IMPG2: variants seen among roughly 807,000 people sequenced by gnomAD.
IMPG2 encodes IPM 200.
A neutral mutation model predicts 129.2 loss-of-function variants in IMPG2; 91 were observed. That is an observed-to-expected ratio of 0.70 (90% CI 0.59 to 0.84). The LOEUF (loss-of-function observed/expected upper bound fraction) is 0.84. Among genes scored for constraint, IMPG2 ranks in the 40% least tolerant of loss-of-function variants. The probability of loss-of-function intolerance (pLI) is 0.00; values close to 1 mark genes in which losing one functional copy is unlikely to be tolerated. For synonymous variants in IMPG2, 510 were observed against 517.7 expected (o/e 0.99, Z 0.20); for missense variants, 1,430 against 1,461.7 (o/e 0.98, Z 0.35).
intron 18 of IMPG2, chr3:101,228,006 T>C (rs1576741239): frequency 8.2e-6 from 3 of 365,158 alleles, no homozygotes; most frequent in Admixed American, 3.3e-5. Flanking sequence ...CAGAAGATAC[T>C]TATCTGGCCC....
chr3:101,258,343 T>G (rs2107235602), intron 9 of IMPG2, among the ~76,000 whole-genome samples: 1 of 152,272 alleles, frequency 6.6e-6, no homozygotes, highest in African/African-American at 2.4e-5. Flanking sequence ...GGAGACATAC[T>G]TTTGTTTGAT....
chr3:101,306,470 G>A (rs1314179508), intron 2 of IMPG2, among the ~76,000 whole-genome samples: 1 of 152,114 alleles, frequency 6.6e-6, no homozygotes. Context: ...CATACAGCGG[G>A]CACTGACTGA....
At chr3:101,286,719 C>G (rs546492299) in intron 4 of IMPG2, among the ~76,000 whole-genome samples, 2 of 152,270 alleles carry the variant, frequency 1.3e-5, no homozygotes, top group East Asian at 3.9e-4. Context: ...TTCACATGAG[C>G]AGAATCATTC....
At position 101,243,738 on chromosome 3, in the gene IMPG2, A is replaced by G. The variant is rs780996217; in HGVS notation, c.2593T>C (p.Tyr865His). 6.2e-7 allele frequency: 1 copy of G among 1,613,914 alleles called. No homozygotes were observed. The highest frequency in any genetic ancestry group is 8.5e-7 in the Non-Finnish European group (1 of 1,179,808). ...TGAACACTTGTTGACATTTCCACAT[A>G]ACTACCAACCTTGCCATTTTGCTCT... Reference protein sequence around the residue: ...VQEQNGKVGSYVEMSTSVHST... With the variant: ...VQEQNGKVGSHVEMSTSVHST... The change falls in exon 13 of 19, where the codon TAT becomes CAT. Residue 865 changes from tyrosine to histidine, a missense_variant. Transcript: ENST00000193391.
At chr3:101,277,575 A>G (rs570724072) in intron 4 of IMPG2, among the ~76,000 whole-genome samples, 1 of 152,338 alleles carries the variant, frequency 6.6e-6, no homozygotes, top group South Asian at 2.1e-4. Context: ...CATTGAAATC[A>G]TAAAACCTAT....
At chr3:101,247,141 G>A (rs1377870697) in intron 11 of IMPG2, among the ~76,000 whole-genome samples, 2 of 151,586 alleles carry the variant, frequency 1.3e-5, no homozygotes, top group Non-Finnish European at 2.9e-5. Flanking sequence ...GAGGTAAAAC[G>A]ACCATGGTAT....
In IMPG2 at chr3:101,257,711, T is replaced by A. The variant is rs376973319; in HGVS notation, c.971A>T (p.Asp324Val). ...NGEAISNTTW[D>V]LISLHSNKVE... ...CTTGTTGGAGTGAAGGCTAATGAGGTCCCAGGTGGTATTGCTGATGGCCTC... is the reference window on the plus strand; with the variant it reads ...CTTGTTGGAGTGAAGGCTAATGAGGACCCAGGTGGTATTGCTGATGGCCTC... Residue 324 changes from aspartate to valine, a missense_variant, in exon 10 of 19, where the codon GAC (aspartate) becomes GTC (valine). Transcript: ENST00000193391. 3 of 1,613,160 alleles carry A rather than the reference T, an allele frequency of 1.9e-6. No individual in the cohort carries two copies. Among genetic ancestry groups the A allele is most frequent in the Non-Finnish European group, 2.5e-6 (3 of 1,179,494 alleles).
At chr3:101,266,657 T>C (rs1040724110) in intron 9 of IMPG2, among the ~76,000 whole-genome samples, 1 of 152,182 alleles carries the variant, frequency 6.6e-6, no homozygotes, top group African/African-American at 2.4e-5. Context: ...TTCCAGAGAT[T>C]ATCTCAAGAC....
At chr3:101,270,083 G>A (rs1706765122) in intron 7 of IMPG2, among the ~76,000 whole-genome samples, 1 of 151,778 alleles carries the variant, frequency 6.6e-6, no homozygotes, top group African/African-American at 2.4e-5. Context: ...AATTACAGGT[G>A]TGCGCCACCA....
chr3:101,274,006 T>C (rs1205788216), intron 6 of IMPG2, among the ~76,000 whole-genome samples: 1 of 152,042 alleles, frequency 6.6e-6, no homozygotes, highest in African/African-American at 2.4e-5. Context: ...AAGACCAGCC[T>C]GGCCAACTGA....
At chr3:101,231,646 TA>T (rs1413031773) in intron 15 of IMPG2, among the ~76,000 whole-genome samples, 2 of 152,260 alleles carry the variant, frequency 1.3e-5, no homozygotes, top group Admixed American at 1.3e-4. Context: ...TTTCTCCTTA[TA>T]AACTTTATCC....
Position 101,242,781 on chromosome 3 carries a change from TG to T in IMPG2, c.2928del (p.Asn976LysfsTer6), listed in dbSNP as rs770339774. The T allele has an allele frequency of 3.7e-6, 6 of 1,614,016 alleles. No individual in the cohort carries two copies. Among genetic ancestry groups the T allele is most frequent in the Non-Finnish European group, 5.1e-6 (6 of 1,179,946 alleles). On this transcript the variant is annotated frameshift_variant, in exon 14 of 19. Transcript: ENST00000193391. LOFTEE classifies it high-confidence loss of function. ...TCTTCCAGAATCATGTACACCGCAT[TG>T]TTGACGTTAGGAGGGACAGAATTGG... ...KFANSVPPNV[N>X]NAVYMILEDF...
chr3:101,311,738 G>A (rs1247635203), intron 2 of IMPG2, among the ~76,000 whole-genome samples: 1 of 151,990 alleles, frequency 6.6e-6, no homozygotes, highest in Non-Finnish European at 1.5e-5. Context: ...GAATTGCAAG[G>A]GACCTAGAAT....
chr3:101,244,893 G>T, intron 12 of IMPG2, 106 bp from the exon 13 acceptor site: 1 of 921,144 alleles, frequency 1.1e-6, no homozygotes, highest in Non-Finnish European at 1.7e-6. Context: ...AGTTAAGAGG[G>T]ACAATTGTTG....
At chr3:101,256,388 G>A (rs1379962165) in intron 10 of IMPG2, among the ~76,000 whole-genome samples, 2 of 151,058 alleles carry the variant, frequency 1.3e-5, no homozygotes, top group African/African-American at 4.9e-5. Flanking sequence ...ACATATAACT[G>A]CCTGGAAAGA....
chr3:101,245,199 A>G (rs967329172), intron 12 of IMPG2, among the ~76,000 whole-genome samples: 1 of 152,122 alleles, frequency 6.6e-6, no homozygotes, highest in Non-Finnish European at 1.5e-5. Context: ...CATCCTTCAG[A>G]TTCACTCGAT....
chr3:101,228,756 A>T, intron 18 of IMPG2, 41 bp downstream of exon 18: 1 of 1,486,158 alleles, frequency 6.7e-7, no homozygotes, highest in Non-Finnish European at 9.4e-7. Flanking sequence ...GTAAACTGTT[A>T]AGTCTGTAGG....
At chr3:101,313,840 A>C (rs2058768990) in intron 2 of IMPG2, among the ~76,000 whole-genome samples, 1 of 152,144 alleles carries the variant, frequency 6.6e-6, no homozygotes, top group African/African-American at 2.4e-5. Flanking sequence ...GAAAGCCCTA[A>C]GGAATATACC....
chr3:101,268,533 T>C (rs1373454448), intron 8 of IMPG2, among the ~76,000 whole-genome samples: 1 of 152,224 alleles, frequency 6.6e-6, no homozygotes, highest in Non-Finnish European at 1.5e-5. Context: ...AAATTCCCTG[T>C]GCTCTGGTTT....
Sources: allele counts gnomAD v4.1 joint callset (sites outside exome capture counted in the v4.1 genomes callset), GRCh38; gene constraint gnomAD v4.1.1; transcripts MANE v1.5; gene names NCBI Gene and HGNC (gene_info 2026-07-23, HGNC 2026-07-21).